ARHGAP22: variants seen among roughly 807,000 people sequenced by gnomAD.
ARHGAP22 encodes the protein Rho GTPase activating protein 22.
Under a neutral mutation model 59.1 loss-of-function variants are expected in ARHGAP22, and 48 were observed. That is an observed-to-expected ratio of 0.81 (90% CI 0.64 to 1.03). ARHGAP22 has a LOEUF of 1.03. Among genes scored for constraint, ARHGAP22 ranks in the 50% least tolerant of loss-of-function variants. The pLI is 0.00. For missense variants in ARHGAP22, 1,015 were observed against 958.7 expected (o/e 1.06, Z -0.78); for synonymous variants, 445 against 416.4 (o/e 1.07, Z -0.84).
At chr10:48,567,070 T>C (rs568903362) in intron 2 of ARHGAP22, among the ~76,000 whole-genome samples, 1 of 152,248 alleles carries the variant, frequency 6.6e-6, no homozygotes, top group African/African-American at 2.4e-5. Flanking sequence ...TCAGGGTGAG[T>C]GGGTCCTCTT....
chr10:48,466,548 G>A (rs1469966497), intron 4 of ARHGAP22: 2 of 148,772 alleles, frequency 1.3e-5, no homozygotes, highest in African/African-American at 2.4e-5. Flanking sequence ...GCGGGCCCGG[G>A]GGCGCCCGCA....
At chr10:48,465,470 G>C (rs576172551) in intron 4 of ARHGAP22, among the ~76,000 whole-genome samples, 15 of 152,368 alleles carry the variant, frequency 9.8e-5, no homozygotes, top group African/African-American at 3.6e-4. Context: ...ACCTTCCGGG[G>C]TGTGAGCGTC....
At chr10:48,496,559 AG>A (rs977614847) in intron 3 of ARHGAP22, among the ~76,000 whole-genome samples, 3 of 152,172 alleles carry the variant, frequency 2.0e-5, no homozygotes, top group Non-Finnish European at 2.9e-5. Context: ...TGCTGCCTCC[AG>A]GGCTGCCTGT....
At chr10:48,537,017 C>T (rs1019730507) in intron 3 of ARHGAP22, among the ~76,000 whole-genome samples, 2 of 152,122 alleles carry the variant, frequency 1.3e-5, no homozygotes, top group Non-Finnish European at 2.9e-5. Flanking sequence ...CCAAGGGCTG[C>T]AAAAATTCCT....
intron 1 of ARHGAP22, among the ~76,000 whole-genome samples, chr10:48,613,877 G>A (rs2060985308): frequency 6.6e-6 from 1 of 152,178 alleles, no homozygotes. Flanking sequence ...AGGCCCTAAG[G>A]ACATTGCCCT....
chr10:48,655,559 C>G (rs2062786789), upstream of ARHGAP22: 1 of 152,726 alleles, frequency 6.5e-6, no homozygotes, highest in East Asian at 1.9e-4. Context: ...TAAGCGGGCA[C>G]AGCTGGGCAC....
At chr10:48,550,660 C>T (rs1817475590) in intron 3 of ARHGAP22, among the ~76,000 whole-genome samples, 1 of 152,184 alleles carries the variant, frequency 6.6e-6, no homozygotes, top group East Asian at 1.9e-4. Flanking sequence ...AACTGCCTGC[C>T]AATCACAAGT....
At chr10:48,631,382 A>G (rs2061623745) in intron 1 of ARHGAP22, among the ~76,000 whole-genome samples, 1 of 152,126 alleles carries the variant, frequency 6.6e-6, no homozygotes, top group Admixed American at 6.5e-5. Context: ...AATTTATCTA[A>G]TTTCTTCCTT....
rs1308938985 is a variant in ARHGAP22 at position 48,507,934 on chromosome 10, G to T, written c.323-28170C>A. 9.7e-4 allele frequency among the ~76,000 whole-genome samples: 140 copies of T among 143,830 alleles called. 3 individuals carry two copies. Among genetic ancestry groups the T allele is most frequent in the Admixed American group, 8.3e-3 (122 of 14,626 alleles). 94.4% of individuals were successfully genotyped at this position (143,830 alleles called of 152,430 possible). On this transcript the variant is annotated intron_variant, in intron 3 of 9. Coordinates refer to ENST00000249601, the MANE Select transcript of ARHGAP22 (RefSeq NM_021226.4). ...GGTGGGGTGGGGGTGGGGGTGGGGGGGGATCTGAACATAGAAATGCCAAGT... is the reference window on the plus strand; with the variant it reads ...GGTGGGGTGGGGGTGGGGGTGGGGGTGGATCTGAACATAGAAATGCCAAGT...
At chr10:48,650,073 A>G (rs1433389558) in intron 1 of ARHGAP22, among the ~76,000 whole-genome samples, 2 of 151,408 alleles carry the variant, frequency 1.3e-5, no homozygotes, top group African/African-American at 2.4e-5. Flanking sequence ...GAGAAGAAAG[A>G]TAAACACACA....
At chr10:48,447,049 G>A (rs1335519872) in intron 9 of ARHGAP22, among the ~76,000 whole-genome samples, 1 of 152,128 alleles carries the variant, frequency 6.6e-6, no homozygotes, top group Non-Finnish European at 1.5e-5. Flanking sequence ...CTGTCCCCAT[G>A]ATCCAGCCAC....
At chr10:48,451,640 AC>A in intron 8 of ARHGAP22, 1 of 674,164 alleles carries the variant, frequency 1.5e-6, no homozygotes. Flanking sequence ...AATTGCACAC[AC>A]AATGCACCCC....
At chr10:48,541,471 G>A (rs994440373) in intron 3 of ARHGAP22, among the ~76,000 whole-genome samples, 1 of 152,180 alleles carries the variant, frequency 6.6e-6, no homozygotes, top group African/African-American at 2.4e-5. Context: ...GTGGTGCCCA[G>A]CACCAGCCTG....
chr10:48,473,134 T>C (rs546291890), intron 4 of ARHGAP22, among the ~76,000 whole-genome samples: 1 of 152,230 alleles, frequency 6.6e-6, no homozygotes, highest in Non-Finnish European at 1.5e-5. Flanking sequence ...AAATGTGGTA[T>C]ATCCATACAA....
intron 1 of ARHGAP22, among the ~76,000 whole-genome samples, chr10:48,618,829 C>T (rs376264898): frequency 6.6e-6 from 1 of 152,114 alleles, no homozygotes; most frequent in Non-Finnish European, 1.5e-5. Flanking sequence ...TAACATAGTA[C>T]TGGAAGACCT....
chr10:48,454,034 G>C, intron 7 of ARHGAP22, 54 bp downstream of exon 7: 2 of 1,554,306 alleles, frequency 1.3e-6, no homozygotes, highest in Non-Finnish European at 1.8e-6. Context: ...GTGGGGTTGG[G>C]GGAGCGTGGA....
Position 48,450,504 on chromosome 10 carries a change from G to T in ARHGAP22, c.1625C>A (p.Ser542Tyr). 6.5e-7 allele frequency: 1 copy of T among 1,530,916 alleles called. No individual in the cohort carries two copies. The highest frequency in any genetic ancestry group is 8.8e-7 in the Non-Finnish European group (1 of 1,138,690). 94.8% of individuals were successfully genotyped at this position (1,530,916 alleles called of 1,614,324 possible). ...CRASDSSARSSLHTDWALEPS... is the reference protein window; with the variant it reads ...CRASDSSARSYLHTDWALEPS... Reference sequence around the variant, plus strand: ...CTCCAGGGCCCAGTCGGTGTGCAGGGAACTGCGGGCAGACGAGTCGCTGGC... The same window carrying T: ...CTCCAGGGCCCAGTCGGTGTGCAGGTAACTGCGGGCAGACGAGTCGCTGGC... Residue 542 changes from serine (S) to tyrosine (Y), a missense_variant, in exon 9 of 10, where the codon TCC (serine) becomes TAC (tyrosine). Transcript: ENST00000249601.
intron 1 of ARHGAP22, among the ~76,000 whole-genome samples, chr10:48,592,009 C>T (rs1350034120): frequency 1.3e-5 from 2 of 152,156 alleles, no homozygotes; most frequent in African/African-American, 4.8e-5. Flanking sequence ...CCATTGATAT[C>T]TAAAAATGTA....
chr10:48,516,688 C>T lies in ARHGAP22; in HGVS notation c.323-36924G>A, dbSNP rs369132805. On this transcript the variant is annotated intron_variant, in intron 3 of 9. Transcript: ENST00000249601. ...TTACTGAACATTTTAAGAATTAATA[C>T]CAAATGTTCACAAACTCTTCCAAGA... Among the ~76,000 whole-genome samples, 27 of 152,202 alleles carry T rather than the reference C, an allele frequency of 1.8e-4. No homozygotes were observed. In the South Asian group the frequency reaches 5.6e-3, roughly 32 times the overall value.
Sources: gnomAD v4.1 joint callset for allele counts (sites outside exome capture counted in the v4.1 genomes callset) on GRCh38, gnomAD v4.1.1 for gene constraint, MANE v1.5 for transcripts, NCBI Gene and HGNC (gene_info 2026-07-23, HGNC 2026-07-21) for gene names.